The following ZNF385B variants were observed in gnomAD, a reference collection of about 807,000 sequenced individuals.
ZNF385B encodes the protein zinc finger protein 385B, also known as zinc finger protein 533.
In ZNF385B, 23 loss-of-function variants were observed where a neutral mutation model predicts 39.2. The ratio of observed to expected loss-of-function variants is 0.59; its 90% CI spans 0.42 to 0.83. The LOEUF is 0.83. Ranked by LOEUF, ZNF385B falls within the 40% of genes least tolerant of loss-of-function variation. The pLI is 0.00. For missense variants in ZNF385B, 552 were observed against 598.9 expected, an observed-to-expected ratio of 0.92 and a Z score of 0.82; for synonymous variants, 205 against 222.6, an observed-to-expected ratio of 0.92 and a Z score of 0.70.
At chr2:179,766,675 C>A (rs193277976) in intron 3 of ZNF385B, among the ~76,000 whole-genome samples, 3 of 152,200 alleles carry the variant, frequency 2.0e-5, no homozygotes, top group East Asian at 3.9e-4. Context: ...TGGATTACAG[C>A]CCATCCTAAT....
chr2:179,600,630 G>A (rs1688338523), intron 3 of ZNF385B, among the ~76,000 whole-genome samples: 1 of 152,132 alleles, frequency 6.6e-6, no homozygotes, highest in South Asian at 2.1e-4. Flanking sequence ...CATACTGAAA[G>A]AATAATTAAT....
chr2:179,551,807 C>T (rs2060590302), intron 3 of ZNF385B, among the ~76,000 whole-genome samples: 1 of 152,010 alleles, frequency 6.6e-6, no homozygotes, highest in Non-Finnish European at 1.5e-5. Context: ...CCTTGAATTC[C>T]TTCTCACAAC....
chr2:179,505,916 C>A (rs2057214605), intron 5 of ZNF385B, among the ~76,000 whole-genome samples: 1 of 152,026 alleles, frequency 6.6e-6, no homozygotes, highest in Admixed American at 6.6e-5. Context: ...CTCTGAAAAA[C>A]AGTTTTTTAT....
chr2:179,847,368 A>T (rs1056402833), intron 1 of ZNF385B, among the ~76,000 whole-genome samples: 2 of 152,174 alleles, frequency 1.3e-5, no homozygotes, highest in African/African-American at 4.8e-5. Flanking sequence ...AGAGAGGTCA[A>T]TTTTCCATGT....
At chr2:179,482,650 TAATC>T (rs2054125750) in intron 6 of ZNF385B, among the ~76,000 whole-genome samples, 1 of 152,238 alleles carries the variant, frequency 6.6e-6, no homozygotes, top group East Asian at 1.9e-4. Context: ...GGTCTTCTGT[TAATC>T]AGTTTGTAAC....
intron 3 of ZNF385B, among the ~76,000 whole-genome samples, chr2:179,666,749 G>A (rs1049067374): frequency 2.0e-5 from 3 of 152,096 alleles, no homozygotes; most frequent in African/African-American, 7.2e-5. Context: ...GGCTACGGGA[G>A]CTCTTGCTCT....
intron 6 of ZNF385B, among the ~76,000 whole-genome samples, chr2:179,455,348 C>T (rs1041992470): frequency 4.0e-5 from 6 of 151,692 alleles, no homozygotes; most frequent in African/African-American, 9.7e-5. Flanking sequence ...GGGCTGGAGC[C>T]GGTGGGAGGT....
At chr2:179,651,694 C>T (rs1041937866) in intron 3 of ZNF385B, among the ~76,000 whole-genome samples, 27 of 152,050 alleles carry the variant, frequency 1.8e-4, no homozygotes, top group African/African-American at 6.0e-4. Context: ...ATGAGAACCT[C>T]CAAATATGGA....
At chr2:179,841,824 T>C (rs1328043884) in intron 1 of ZNF385B, among the ~76,000 whole-genome samples, 1 of 152,180 alleles carries the variant, frequency 6.6e-6, no homozygotes, top group Non-Finnish European at 1.5e-5. Context: ...CAGGGCAACA[T>C]ACTTGGATGA....
chr2:179,712,434 C>T (rs932807186), intron 3 of ZNF385B, among the ~76,000 whole-genome samples: 1 of 152,174 alleles, frequency 6.6e-6, no homozygotes, highest in Non-Finnish European at 1.5e-5. Context: ...CTATCCACAG[C>T]CAGTTGTATA....
chr2:179,584,801 CAGA>C (rs1278975572), intron 3 of ZNF385B, among the ~76,000 whole-genome samples: 1 of 151,980 alleles, frequency 6.6e-6, no homozygotes, highest in African/African-American at 2.4e-5. Flanking sequence ...TGACTCAGGC[CAGA>C]AGAATGAACA....
At chr2:179,690,880 T>C (rs922812332) in intron 3 of ZNF385B, among the ~76,000 whole-genome samples, 15 of 152,200 alleles carry the variant, frequency 9.9e-5, no homozygotes, top group African/African-American at 3.6e-4. Flanking sequence ...TTAAGAATTC[T>C]TACAAGATTA....
intron 5 of ZNF385B, among the ~76,000 whole-genome samples, chr2:179,513,930 TAGG>T (rs2057885916): frequency 1.3e-5 from 2 of 152,236 alleles, no homozygotes; most frequent in South Asian, 4.1e-4. Flanking sequence ...ACTGAAAATC[TAGG>T]AGATGTCAAA....
chr2:179,778,486 A>G (rs1559186716), intron 1 of ZNF385B, among the ~76,000 whole-genome samples: 2 of 152,232 alleles, frequency 1.3e-5, no homozygotes, highest in African/African-American at 2.4e-5. Context: ...AAGGCAACAT[A>G]GGCAATTGAA....
chr2:179,760,685 G>T (rs1048503700), intron 3 of ZNF385B, among the ~76,000 whole-genome samples: 1 of 152,046 alleles, frequency 6.6e-6, no homozygotes, highest in African/African-American at 2.4e-5. Flanking sequence ...AACAATCCAG[G>T]ATTATACAGG....
At chr2:179,719,150 C>T (rs548604727) in intron 3 of ZNF385B, among the ~76,000 whole-genome samples, 7 of 152,200 alleles carry the variant, frequency 4.6e-5, no homozygotes, top group Admixed American at 3.9e-4. Flanking sequence ...TCTAGTAAGT[C>T]TCCCCTTCCT....
At chr2:179,796,808 G>C (rs1575507474) in intron 1 of ZNF385B, among the ~76,000 whole-genome samples, 1 of 152,248 alleles carries the variant, frequency 6.6e-6, no homozygotes, top group East Asian at 1.9e-4. Flanking sequence ...GAGTAGGCTT[G>C]AGCACCCCAG....
chr2:179,469,240 ATT>A (rs2052466506), intron 6 of ZNF385B, among the ~76,000 whole-genome samples: 2 of 152,206 alleles, frequency 1.3e-5, no homozygotes, highest in Non-Finnish European at 2.9e-5. Context: ...AAGAAGAAGA[ATT>A]GTCTTGGGCC....
At chr2:179,769,426 T>G in intron 3 of ZNF385B, 77 bp downstream of exon 3, 2 of 1,570,914 alleles carry the variant, frequency 1.3e-6, no homozygotes, top group African/African-American at 2.7e-5. Context: ...AAATTAAGTC[T>G]TGTTCTAAAT....
Sources: allele counts gnomAD v4.1 joint callset (sites outside exome capture counted in the v4.1 genomes callset), GRCh38; gene constraint gnomAD v4.1.1; transcripts MANE v1.5; gene names NCBI Gene and HGNC (gene_info 2026-07-23, HGNC 2026-07-21).